The following PHF21B variants were observed in gnomAD, a reference collection of about 807,000 sequenced individuals.
PHF21B encodes the protein PHD finger protein 21B.
In PHF21B, 22 loss-of-function variants were observed where a neutral mutation model predicts 62.2. That is an observed-to-expected ratio of 0.35 (90% CI 0.25 to 0.51). The LOEUF is 0.51. Ranked by LOEUF, PHF21B falls within the 20% of genes least tolerant of loss-of-function variation. The pLI, the probability that PHF21B is intolerant of heterozygous loss-of-function variation, is 0.97. For missense variants in PHF21B, 701 were observed against 707.9 expected, an observed-to-expected ratio of 0.99 and a Z score of 0.11; for synonymous variants, 341 against 314.7, an observed-to-expected ratio of 1.08 and a Z score of -0.88.
intron 2 of PHF21B, among the ~76,000 whole-genome samples, chr22:44,973,848 G>A (rs2072685768): frequency 6.6e-6 from 1 of 152,240 alleles, no homozygotes; most frequent in Non-Finnish European, 1.5e-5. Context: ...GCACTGGGAA[G>A]TCAGGGAAGA....
chr22:44,932,710 C>T (rs917950830), intron 2 of PHF21B, among the ~76,000 whole-genome samples: 12 of 152,254 alleles, frequency 7.9e-5, no homozygotes, highest in African/African-American at 2.4e-4. Context: ...ACCTGCACCA[C>T]GGAATGCCGA....
chr22:44,896,593 T>C (rs2071061197), intron 5 of PHF21B, among the ~76,000 whole-genome samples: 1 of 152,228 alleles, frequency 6.6e-6, no homozygotes, highest in East Asian at 1.9e-4. Context: ...TTTGCATCAT[T>C]GGTCCTTTCA....
chr22:44,990,436 T>C (rs2073024543), intron 2 of PHF21B, among the ~76,000 whole-genome samples: 1 of 7,572 alleles, frequency 1.3e-4, no homozygotes, highest in South Asian at 7.6e-3. Flanking sequence ...GATGAATGGA[T>C]AAACAGCACG....
Position 44,960,307 on chromosome 22 carries a change from T to C in PHF21B, c.121-39817A>G, listed in dbSNP as rs1008388134. ...TACCTGAGTTCGGTGTCAGATGACA[T>C]CAAGACAATTATCTCTTTTTTCCTT... On this transcript the variant is annotated intron_variant, in intron 2 of 12. Transcript: ENST00000313237. Among the ~76,000 whole-genome samples the C allele has an allele frequency of 5.3e-5, 8 of 152,124 alleles. No individual in the cohort carries two copies. In the East Asian group the frequency reaches 1.5e-3, roughly 29 times the overall value.
chr22:44,971,742 C>A (rs2072642462), intron 2 of PHF21B, among the ~76,000 whole-genome samples: 1 of 152,162 alleles, frequency 6.6e-6, no homozygotes, highest in Non-Finnish European at 1.5e-5. Flanking sequence ...CCTGGTAGAG[C>A]CAATCTCTCC....
chr22:44,973,012 C>T (rs1364728285), intron 2 of PHF21B, among the ~76,000 whole-genome samples: 2 of 152,234 alleles, frequency 1.3e-5, no homozygotes, highest in South Asian at 2.1e-4. Context: ...GTGACTGTCA[C>T]TTTAACAAAC....
At chr22:44,905,259 T>TG in intron 5 of PHF21B, among the ~76,000 whole-genome samples, 1 of 152,360 alleles carries the variant, frequency 6.6e-6, no homozygotes, top group South Asian at 2.1e-4. Context: ...TGCATCTCTG[T>TG]GCTCCATGCA....
intron 2 of PHF21B, chr22:44,933,515 C>T (rs2071782777): frequency 1.0e-5 from 10 of 985,446 alleles, no homozygotes; most frequent in Admixed American, 1.2e-4. Flanking sequence ...GTTCTGCCCG[C>T]GATCTGGGGA....
intron 12 of PHF21B, among the ~76,000 whole-genome samples, chr22:44,884,061 ACCACCATGATCACCATTATCACCACCG>A (rs2070789726): frequency 4.0e-5 from 6 of 151,570 alleles, no homozygotes; most frequent in Admixed American, 6.6e-5. Flanking sequence ...CACCATCACC[ACCACCATGATCACCATTATCACCACCG>A]CCACCACCAT....
chr22:44,896,006 C>G, intron 6 of PHF21B, 26 bp downstream of exon 6: 1 of 1,614,114 alleles, frequency 6.2e-7, no homozygotes. Context: ...CCAGCCCAAC[C>G]TGCTGCTACC....
chr22:44,888,171 G>GGGGGCCGGTCAGCCAGGGCC, intron 9 of PHF21B, 50 bp from the exon 10 acceptor site: 1 of 1,439,104 alleles, frequency 6.9e-7, no homozygotes, highest in South Asian at 1.4e-5. Flanking sequence ...CCAGGGCAGC[G>GGGGGCCGGTCAGCCAGGGCC]GGGGCCGGTC....
intron 2 of PHF21B, chr22:45,000,498 T>A (rs2073196051): frequency 6.6e-6 from 1 of 152,176 alleles, no homozygotes; most frequent in Non-Finnish European, 1.5e-5. Flanking sequence ...AGGAAAAACT[T>A]GGTAAATCAC....
intron 2 of PHF21B, among the ~76,000 whole-genome samples, chr22:44,991,092 A>C (rs1331550191): frequency 6.6e-6 from 1 of 152,218 alleles, no homozygotes; most frequent in African/African-American, 2.4e-5. Flanking sequence ...GCAGTCTCCA[A>C]AACTGTCCAG....
intron 2 of PHF21B, among the ~76,000 whole-genome samples, chr22:44,956,166 C>T (rs1483779081): frequency 6.6e-6 from 1 of 152,204 alleles, no homozygotes; most frequent in African/African-American, 2.4e-5. Flanking sequence ...AACGTCCCAC[C>T]AGGCTGGACT....
chr22:44,903,946 T>C (rs2071204926), intron 5 of PHF21B, among the ~76,000 whole-genome samples: 1 of 152,250 alleles, frequency 6.6e-6, no homozygotes, highest in Admixed American at 6.5e-5. Flanking sequence ...TTATGGTTAC[T>C]GAGTTATTTG....
Position 44,954,045 on chromosome 22 carries a change from G to C in PHF21B, c.121-33555C>G, listed in dbSNP as rs1269055775. 5.3e-5 allele frequency among the ~76,000 whole-genome samples: 8 copies of C among 152,222 alleles called. No homozygotes were observed. In the East Asian group the frequency reaches 1.5e-3, roughly 29 times the overall value. On this transcript the variant is annotated intron_variant, in intron 2 of 12. Transcript: ENST00000313237. ...TCCCGGCTCAGAGCAGACCCCCAGT[G>C]GGGTGTGGCCCACCGTGATTCCTCT...
At position 45,009,426 on chromosome 22, in the gene PHF21B, G is replaced by T; in HGVS notation, c.54+70C>A. The T allele has an allele frequency of 7.0e-7, 1 of 1,426,422 alleles. No individual in the cohort carries two copies. The highest frequency in any genetic ancestry group is 9.3e-7 in the Non-Finnish European group (1 of 1,070,014). The allele number at this position is 1,426,422 out of a possible 1,614,324, so 88.4% of individuals were successfully genotyped here. On this transcript the variant is annotated intron_variant, in intron 1 of 12. Coordinates refer to ENST00000313237, the MANE Select transcript of PHF21B (RefSeq NM_138415.5). This position sits in a 1 kb window ranked among gnomAD's most constrained non-coding sequence, Gnocchi z 5.9. ...AGAGACCCGGAAGAGAGGATGCTGG[G>T]CTCGGGTCCCCCGACCCCCTCACCC...
chr22:44,933,911 C>T (rs1326420398), intron 2 of PHF21B, among the ~76,000 whole-genome samples: 1 of 152,232 alleles, frequency 6.6e-6, no homozygotes, highest in African/African-American at 2.4e-5. Flanking sequence ...CCCCAGGAGA[C>T]AGGCCATGGA....
intron 2 of PHF21B, among the ~76,000 whole-genome samples, chr22:44,983,096 TG>T (rs1017499029): frequency 2.0e-5 from 3 of 151,952 alleles, no homozygotes; most frequent in Admixed American, 1.3e-4. Flanking sequence ...TAGCCGGGCA[TG>T]GTGGCAGGCG....
Sources: allele counts gnomAD v4.1 joint callset (sites outside exome capture counted in the v4.1 genomes callset), GRCh38; gene constraint gnomAD v4.1.1; non-coding constraint Gnocchi (gnomAD v3.1); transcripts MANE v1.5; gene names NCBI Gene and HGNC (gene_info 2026-07-23, HGNC 2026-07-21).